PHLDB2: variants seen among roughly 807,000 people sequenced by gnomAD.
PHLDB2 encodes the protein pleckstrin homology-like domain family B member 2.
A neutral mutation model predicts 123.6 loss-of-function variants in PHLDB2; 71 were observed. The ratio of observed to expected loss-of-function variants is 0.57; its 90% confidence interval spans 0.47 to 0.70. The LOEUF is 0.70. Among genes scored for constraint, PHLDB2 ranks in the 30% least tolerant of loss-of-function variants. The pLI is 0.00. For missense variants in PHLDB2, 1,446 were observed against 1,519.5 expected (o/e 0.95, Z 0.80); for synonymous variants, 547 against 541.6 (o/e 1.01, Z -0.14).
chr3:111,738,243 A>C (rs979142843), intron 1 of PHLDB2, among the ~76,000 whole-genome samples: 13 of 152,182 alleles, frequency 8.5e-5, no homozygotes, highest in African/African-American at 3.1e-4. Flanking sequence ...TTTCCATAAG[A>C]ATAGTATTGT....
chr3:111,780,148 G>T (rs969077838), intron 1 of PHLDB2, among the ~76,000 whole-genome samples: 2 of 150,834 alleles, frequency 1.3e-5, no homozygotes, highest in African/African-American at 4.9e-5. Context: ...GAATTTAATT[G>T]CCATTGCAAC....
chr3:111,920,337 T>C lies in PHLDB2; in HGVS notation c.1919T>C (p.Leu640Pro). Residue 640 changes from leucine to proline, a missense_variant, in exon 5 of 18, where the codon CTT (leucine) becomes CCT (proline). This residue lies in a region of PHLDB2 where 832 missense variants were observed against 831.9 expected (regional missense o/e 1.00). Transcript: ENST00000431670. ...DGEQKSETTE[L>P]MKEKEILDHL... ...GAACAGAAATCTGAAACAACTGAAC[T>C]TATGAAGGAGAAGGAGATTTTGGAT... 1 of 1,614,026 alleles carries C rather than the reference T, an allele frequency of 6.2e-7. No individual in the cohort carries two copies. The highest frequency in any genetic ancestry group is 8.5e-7 in the Non-Finnish European group (1 of 1,179,918).
At chr3:111,938,726 A>C (rs113158932) in intron 6 of PHLDB2, among the ~76,000 whole-genome samples, 2 of 152,126 alleles carry the variant, frequency 1.3e-5, no homozygotes, top group African/African-American at 4.8e-5. Flanking sequence ...TTGACTCTTT[A>C]ATCTCCACAT....
chr3:111,763,441 TG>T (rs2060028153), intron 1 of PHLDB2, among the ~76,000 whole-genome samples: 1 of 152,214 alleles, frequency 6.6e-6, no homozygotes, highest in African/African-American at 2.4e-5. Flanking sequence ...AAGTGGGACT[TG>T]TCATCAACTG....
chr3:111,752,041 G>C (rs906528761), intron 1 of PHLDB2, among the ~76,000 whole-genome samples: 3 of 152,102 alleles, frequency 2.0e-5, no homozygotes, highest in African/African-American at 7.2e-5. Context: ...GAAGAAAATT[G>C]TTCAAAACTA....
At chr3:111,963,163 T>C (rs1157987994) in intron 13 of PHLDB2, among the ~76,000 whole-genome samples, 1 of 152,098 alleles carries the variant, frequency 6.6e-6, no homozygotes, top group African/African-American at 2.4e-5. Flanking sequence ...TTTTCTAAAG[T>C]TTTGATGTCC....
Position 111,783,600 on chromosome 3 carries a change from C to T in PHLDB2, c.-49+50897C>T, listed in dbSNP as rs138178808. On this transcript the variant is annotated intron_variant, in intron 1 of 17. Transcript: ENST00000393923. Reference sequence around the variant, plus strand: ...ACTTGCAGATCAATGAGGGAGCAAGCACCCAGGGAGAGAAACAGGTTGAAG... The same window carrying T: ...ACTTGCAGATCAATGAGGGAGCAAGTACCCAGGGAGAGAAACAGGTTGAAG... Among the ~76,000 whole-genome samples the T allele has an allele frequency of 5.3e-5, 8 of 152,220 alleles. No homozygotes were observed. The East Asian group carries it at 1.5e-3, about 29-fold the overall frequency.
intron 1 of PHLDB2, among the ~76,000 whole-genome samples, chr3:111,832,110 C>G (rs1463058672): frequency 1.3e-5 from 2 of 152,128 alleles, no homozygotes; most frequent in Non-Finnish European, 2.9e-5. Flanking sequence ...CTACAAGAAC[C>G]ACAACCTGGA....
chr3:111,945,563 G>A (rs2070242519), intron 9 of PHLDB2: 2 of 565,952 alleles, frequency 3.5e-6, no homozygotes, highest in Admixed American at 6.6e-5. Flanking sequence ...TGCACATTGT[G>A]TGTGTGTATG....
intron 1 of PHLDB2, among the ~76,000 whole-genome samples, chr3:111,873,950 A>G (rs2065468953): frequency 1.3e-5 from 2 of 152,358 alleles, no homozygotes; most frequent in South Asian, 4.1e-4. Context: ...TATTAAATAT[A>G]GTTCATACCA....
intron 1 of PHLDB2, among the ~76,000 whole-genome samples, chr3:111,770,977 A>G (rs2060167069): frequency 6.8e-6 from 1 of 146,456 alleles, no homozygotes; most frequent in Admixed American, 6.9e-5. Flanking sequence ...TGTGGAGCCC[A>G]GCCGCCTCAT....
At chr3:111,824,479 T>C (rs1576750757) in intron 1 of PHLDB2, among the ~76,000 whole-genome samples, 1 of 152,200 alleles carries the variant, frequency 6.6e-6, no homozygotes, top group Non-Finnish European at 1.5e-5. Flanking sequence ...CTTTTCCCAC[T>C]GTTGGTTCTG....
intron 16 of PHLDB2, 45 bp from the exon 17 acceptor site, chr3:111,973,687 T>C (rs1027595728): frequency 1.0e-6 from 1 of 984,606 alleles, no homozygotes; most frequent in Admixed American, 2.1e-5. Flanking sequence ...ATTTTTTCTG[T>C]TCCTCAGTGG....
chr3:111,838,404 T>C (rs753261536), intron 1 of PHLDB2, among the ~76,000 whole-genome samples: 8 of 152,174 alleles, frequency 5.3e-5, no homozygotes, highest in Non-Finnish European at 8.8e-5. Context: ...TTCCAAACTG[T>C]TCTCAGAAAA....
chr3:111,866,034 T>TC (rs1159947213), intron 1 of PHLDB2, among the ~76,000 whole-genome samples: 1 of 137,344 alleles, frequency 7.3e-6, no homozygotes, highest in Non-Finnish European at 1.6e-5. Flanking sequence ...TTTTTTTTTT[T>TC]TTTTGGAGAC....
intron 1 of PHLDB2, among the ~76,000 whole-genome samples, chr3:111,819,555 C>T (rs1206848924): frequency 2.0e-5 from 3 of 152,284 alleles, no homozygotes; most frequent in Non-Finnish European, 2.9e-5. Context: ...AAGTTCTAGG[C>T]ATTCTTCTTT....
Position 111,783,522 on chromosome 3 carries a change from A to T in PHLDB2, c.-49+50819A>T, listed in dbSNP as rs1022317176. On this transcript the variant is annotated intron_variant, in intron 1 of 17. Coordinates refer to the PHLDB2 transcript ENST00000393923. Reference sequence around the variant, plus strand: ...GAAATTAAAACAAGACAAAACAAAAACTCATCACCTTTAAATGTGTTCAAA... The same window carrying T: ...GAAATTAAAACAAGACAAAACAAAATCTCATCACCTTTAAATGTGTTCAAA... 6.6e-5 allele frequency among the ~76,000 whole-genome samples: 10 copies of T among 152,206 alleles called. No homozygotes were observed. The East Asian group carries it at 1.9e-3, about 29-fold the overall frequency.
intron 1 of PHLDB2, among the ~76,000 whole-genome samples, chr3:111,841,846 T>G (rs1378358470): frequency 6.6e-6 from 1 of 152,222 alleles, no homozygotes; most frequent in Non-Finnish European, 1.5e-5. Context: ...CCTAGAGCAC[T>G]GTAGGAATGC....
chr3:111,855,511 C>CCTTA (rs113670993), upstream of PHLDB2, among the ~76,000 whole-genome samples: 1 of 149,872 alleles, frequency 6.7e-6, no homozygotes, highest in Non-Finnish European at 1.5e-5. Flanking sequence ...TCTTTTCTTT[C>CCTTA]CTTTCTTTCT....
Sources: gnomAD v4.1 joint callset for allele counts (sites outside exome capture counted in the v4.1 genomes callset) on GRCh38, gnomAD v4.1.1 for gene constraint, gnomAD v4.1.1 regional missense constraint, MANE v1.5 for transcripts, NCBI Gene and HGNC (gene_info 2026-07-23, HGNC 2026-07-21) for gene names.